Variants in PSAP observed in about 807,000 individuals in gnomAD.
PSAP encodes the protein precursor of saposins.
In PSAP, 25 loss-of-function variants were observed where a neutral mutation model predicts 66.0. The observed-to-expected ratio is 0.38, with a 90% CI of 0.28 to 0.53. PSAP has a LOEUF of 0.53. PSAP is among the 20% of genes least tolerant of loss of function. The probability of loss-of-function intolerance (pLI) is 0.83; values close to 1 mark genes in which losing one functional copy is unlikely to be tolerated. For synonymous variants in PSAP, 273 were observed against 258.9 expected, an observed-to-expected ratio of 1.05 and a Z score of -0.52; for missense variants, 649 against 668.8, an observed-to-expected ratio of 0.97 and a Z score of 0.33.
At position 71,819,523 on chromosome 10, in the gene PSAP, T is replaced by G. The variant is rs1842250422; in HGVS notation, c.1292A>C (p.Glu431Ala). 1 of 1,614,116 alleles carries G rather than the reference T, an allele frequency of 6.2e-7. No individual in the cohort carries two copies. The highest frequency in any genetic ancestry group is 8.5e-7 in the Non-Finnish European group (1 of 1,180,056). Residue 431 changes from glutamate (E) to alanine (A), a missense_variant, in exon 11 of 14, where the codon GAG becomes GCG. By Grantham distance (107) the Glu-to-Ala change is moderately radical. Coordinates refer to ENST00000394936, the MANE Select transcript of PSAP (RefSeq NM_002778.4). ...RNLEKNSTKQ[E>A]ILAALEKGCS... is the part of the protein sequence containing the mutation. The stretch of plus-strand genomic sequence containing the variant: ...GCCTTTCTCAAGAGCAGCCAGGATC[T>G]CCTGCTTGGTGCTGTTTTTCTCCAG...
chr10:71,817,787 G>A (rs1842205016), intron 13 of PSAP, among the ~76,000 whole-genome samples: 1 of 152,236 alleles, frequency 6.6e-6, no homozygotes, highest in Admixed American at 6.5e-5. Flanking sequence ...CGTCCTGCTA[G>A]CAGCCTGCAC....
chr10:71,839,930 C>T (rs1842703139), intron 1 of PSAP, among the ~76,000 whole-genome samples: 1 of 152,172 alleles, frequency 6.6e-6, no homozygotes, highest in Admixed American at 6.5e-5. Flanking sequence ...AACTAATATA[C>T]ATACTTAATC....
chr10:71,821,769 G>A, intron 8 of PSAP, 107 bp downstream of exon 8: 1 of 1,482,468 alleles, frequency 6.7e-7, no homozygotes, highest in South Asian at 1.2e-5. Flanking sequence ...TTAGGAGCCA[G>A]GCAGGGAACC....
chr10:71,818,779 A>C, intron 12 of PSAP, 55 bp from the exon 13 acceptor site: 3 of 1,432,726 alleles, frequency 2.1e-6, no homozygotes, highest in Non-Finnish European at 3.0e-6. Context: ...TGCCCGATGT[A>C]TCGCTTTCAA....
At chr10:71,823,805 C>T in intron 7 of PSAP, 1 of 997,022 alleles carries the variant, frequency 1.0e-6, no homozygotes, top group Non-Finnish European at 1.4e-6. Flanking sequence ...CAGAGCTAAT[C>T]ATGCCATACC....
At chr10:71,830,098 T>C (rs1842482700) in intron 4 of PSAP, among the ~76,000 whole-genome samples, 1 of 152,186 alleles carries the variant, frequency 6.6e-6, no homozygotes, top group Non-Finnish European at 1.5e-5. Flanking sequence ...GCTAACACGA[T>C]GGCTTTCAAC....
chr10:71,830,125 T>G (rs1842483288), intron 4 of PSAP, among the ~76,000 whole-genome samples: 1 of 152,200 alleles, frequency 6.6e-6, no homozygotes, highest in South Asian at 2.1e-4. Context: ...CATATGCTGA[T>G]GGCTCCCAAG....
chr10:71,839,643 C>T (rs1409494031), intron 1 of PSAP, among the ~76,000 whole-genome samples: 2 of 151,926 alleles, frequency 1.3e-5, no homozygotes, highest in Admixed American at 1.3e-4. Flanking sequence ...TCATTTTGAG[C>T]TCACAAATCA....
At chr10:71,839,005 A>G (rs1032074875) in intron 1 of PSAP, among the ~76,000 whole-genome samples, 2 of 152,184 alleles carry the variant, frequency 1.3e-5, no homozygotes, top group Non-Finnish European at 2.9e-5. Context: ...TTATTTCTCA[A>G]AACATGTGGC....
In PSAP at chr10:71,816,329, A is replaced by G. The variant is rs1396477692; in HGVS notation, c.*1112T>C. On this transcript the variant is annotated 3_prime_UTR_variant, in exon 14 of 14. Coordinates refer to ENST00000394936, the MANE Select transcript of PSAP (RefSeq NM_002778.4). ...TAACAGAATTTTATTGTTAAATCACAGAAACTTTAGTGCAAAACAAAAATC... is the reference window on the plus strand; with the variant it reads ...TAACAGAATTTTATTGTTAAATCACGGAAACTTTAGTGCAAAACAAAAATC... The G allele has an allele frequency of 2.2e-6, 1 of 460,218 alleles. No individual in the cohort carries two copies. Among genetic ancestry groups the G allele is most frequent in the East Asian group, 7.1e-5 (1 of 14,084 alleles). The allele number at this position is 460,218 out of a possible 1,614,324, so 28.5% of individuals were successfully genotyped here.
chr10:71,832,796 T>A (rs1297093075), intron 2 of PSAP, among the ~76,000 whole-genome samples: 2 of 151,260 alleles, frequency 1.3e-5, no homozygotes, highest in Non-Finnish European at 3.0e-5. Flanking sequence ...GGCGGGCAGA[T>A]CACGAGGTCA....
Position 71,817,384 on chromosome 10 carries a change from AC to A in PSAP, c.*56del. The A allele has an allele frequency of 6.4e-7, 1 of 1,559,134 alleles. No homozygotes were observed. The highest frequency in any genetic ancestry group is 8.9e-7 in the Non-Finnish European group (1 of 1,129,796). ...GATCTGTGCGTTCATTCCCCCAGAC[AC>A]ACAAGTAGAAAAAAACCAATGCTGT... On this transcript the variant is annotated 3_prime_UTR_variant, in exon 14 of 14. Transcript: ENST00000394936.
In PSAP at chr10:71,819,594, GCCACCGT is replaced by G; in HGVS notation, c.1214_1220del (p.Asp405AlafsTer56). ...CCAGCTTCTTGCACACTTCGCAGAA[GCCACCGT>G]CCTTTGGCTGAGTCACGTGAACTAC... On this transcript the variant is annotated frameshift_variant, in exon 11 of 14. Coordinates refer to ENST00000394936, the MANE Select transcript of PSAP (RefSeq NM_002778.4). LOFTEE classifies it high-confidence loss of function. The G allele has an allele frequency of 6.2e-7, 1 of 1,614,228 alleles. No individual in the cohort carries two copies. The highest frequency in any genetic ancestry group is 1.3e-5 in the African/African-American group (1 of 75,054).
At chr10:71,831,076 C>A in intron 4 of PSAP, 50 bp downstream of exon 4, 1 of 1,611,382 alleles carries the variant, frequency 6.2e-7, no homozygotes, top group East Asian at 2.2e-5. Context: ...CACTGCCTCT[C>A]CTGGGCCCCA....
intron 5 of PSAP, 34 bp from the exon 6 acceptor site, chr10:71,828,191 A>T (rs1269873671): frequency 2.5e-6 from 4 of 1,613,520 alleles, no homozygotes; most frequent in Non-Finnish European, 3.4e-6. Flanking sequence ...GCAACTTAAG[A>T]GGACTCAAAT....
In PSAP at chr10:71,831,890, C is replaced by T. The variant is rs1290075693; in HGVS notation, c.205G>A (p.Val69Ile). 19 of 1,613,914 alleles carry T rather than the reference C, an allele frequency of 1.2e-5. No individual in the cohort carries two copies. Among genetic ancestry groups the T allele is most frequent in the South Asian group, 2.2e-5 (2 of 91,088 alleles). The change falls in exon 3 of 14, where the codon GTT becomes ATT. Residue 69 changes from valine (V) to isoleucine (I), a missense_variant. Coordinates refer to ENST00000394936, the MANE Select transcript of PSAP (RefSeq NM_002778.4). ...AGCATATCACCAGCTGCGGTGACAA[C>T]GTCTTTGCATATGTCGCAGGGAAGG... is the stretch of plus-strand genomic sequence containing the variant. ...KSLPCDICKD[V>I]VTAAGDMLKD... is the part of the protein sequence containing the mutation.
chr10:71,822,691 A>C (rs1371950993), intron 7 of PSAP: 5 of 471,264 alleles, frequency 1.1e-5, no homozygotes, highest in Admixed American at 4.7e-5. Context: ...AGAGTGAGAC[A>C]AGTGTATAGA....
At chr10:71,849,345 C>G (rs1286796091) in intron 1 of PSAP, among the ~76,000 whole-genome samples, 1 of 152,222 alleles carries the variant, frequency 6.6e-6, no homozygotes, top group Non-Finnish European at 1.5e-5. Flanking sequence ...TTTGCATCAA[C>G]CCTGTCATCC....
At chr10:71,848,069 T>G (rs1005564027) in intron 1 of PSAP, among the ~76,000 whole-genome samples, 4 of 152,148 alleles carry the variant, frequency 2.6e-5, no homozygotes, top group African/African-American at 4.8e-5. Context: ...CGCTCCTTTT[T>G]CCACCAGAGG....
Sources: allele counts gnomAD v4.1 joint callset (sites outside exome capture counted in the v4.1 genomes callset), GRCh38; gene constraint gnomAD v4.1.1; transcripts MANE v1.5; gene names NCBI Gene and HGNC (gene_info 2026-07-23, HGNC 2026-07-21).